DRC8: variants seen among roughly 807,000 people sequenced by gnomAD.
DRC8 encodes the protein dynein regulatory complex subunit 8.
At chr1:245,034,615 AAAAAAAAAAAAAG>A in the DRC8 span, among the ~76,000 whole-genome samples, 1 of 149,684 alleles carries the variant, frequency 6.7e-6, no homozygotes. Context: ...AAAAAAAAAA[AAAAAAAAAAAAAG>A]AAAAGAAAAT....
the DRC8 span, among the ~76,000 whole-genome samples, chr1:245,012,035 G>A: frequency 2.6e-5 from 4 of 152,160 alleles, no homozygotes; most frequent in Non-Finnish European, 5.9e-5. Flanking sequence ...TGAGGAATGA[G>A]TGTTAAACAG....
the DRC8 span, among the ~76,000 whole-genome samples, chr1:245,094,715 G>T: frequency 6.6e-6 from 1 of 152,138 alleles, no homozygotes; most frequent in Non-Finnish European, 1.5e-5. Flanking sequence ...CTCAGGAAGG[G>T]CTCTTTTGGA....
the DRC8 span, among the ~76,000 whole-genome samples, chr1:245,068,063 A>G: frequency 2.0e-5 from 3 of 152,198 alleles, no homozygotes; most frequent in African/African-American, 7.2e-5. Flanking sequence ...AGGAGAATAT[A>G]TTGTAAAAAG....
chr1:245,008,641 A>T, the DRC8 span, among the ~76,000 whole-genome samples: 1 of 151,822 alleles, frequency 6.6e-6, no homozygotes, highest in Non-Finnish European at 1.5e-5. Flanking sequence ...ACCTATCTCA[A>T]AAATGTGATC....
the DRC8 span, among the ~76,000 whole-genome samples, chr1:245,078,817 C>T: frequency 3.3e-5 from 5 of 152,160 alleles, no homozygotes; most frequent in African/African-American, 9.6e-5. Context: ...GTATTCTCAC[C>T]ACACATACAA....
At chr1:244,999,555 G>T in the DRC8 span, among the ~76,000 whole-genome samples, 1 of 152,076 alleles carries the variant, frequency 6.6e-6, no homozygotes. Context: ...GTCAGACATT[G>T]CTGAATACAG....
At chr1:245,083,939 G>A in the DRC8 span, 19 of 385,968 alleles carry the variant, frequency 4.9e-5, no homozygotes, top group African/African-American at 3.1e-4. Flanking sequence ...TATAATTTCA[G>A]GCATTGCATT....
the DRC8 span, among the ~76,000 whole-genome samples, chr1:245,018,356 G>A: frequency 6.6e-6 from 1 of 152,124 alleles, no homozygotes; most frequent in Non-Finnish European, 1.5e-5. Context: ...AGTGGGAAGT[G>A]GTTTGAAAAT....
chr1:244,986,338 G>A, the DRC8 span, among the ~76,000 whole-genome samples: 1 of 152,086 alleles, frequency 6.6e-6, no homozygotes, highest in Admixed American at 6.6e-5. Context: ...ATGGAACTGC[G>A]AATTTACAAG....
chr1:245,059,060 T>G, the DRC8 span, among the ~76,000 whole-genome samples: 2 of 152,212 alleles, frequency 1.3e-5, no homozygotes, highest in African/African-American at 4.8e-5. Flanking sequence ...ATCATCCCCA[T>G]TTTACAGGTG....
chr1:245,119,945 A>T, the DRC8 span, among the ~76,000 whole-genome samples: 26 of 107,590 alleles, frequency 2.4e-4, no homozygotes, highest in Non-Finnish European at 2.9e-4. Context: ...AAAAAAATAA[A>T]AAATAAGTAA....
chr1:245,090,374 C>T, the DRC8 span, among the ~76,000 whole-genome samples: 80 of 152,252 alleles, frequency 5.3e-4, no homozygotes, highest in African/African-American at 1.9e-3. Context: ...AATTTCGCTT[C>T]GATGTGTTCT....
chr1:245,084,059 T>TCCCCCC, the DRC8 span, among the ~76,000 whole-genome samples: 2 of 31,100 alleles, frequency 6.4e-5, no homozygotes, highest in Non-Finnish European at 1.5e-4. Context: ...ATATAAAAAT[T>TCCCCCC]CCGCCCCCCC....
the DRC8 span, among the ~76,000 whole-genome samples, chr1:245,008,221 G>C: frequency 0.024 from 3,586 of 152,166 alleles, 159 homozygotes; most frequent in African/African-American, 0.082. Flanking sequence ...AATAATATTT[G>C]TGTGGCACAC....
At chr1:245,124,965 A>G in the DRC8 span, 1 of 152,144 alleles carries the variant, frequency 6.6e-6, no homozygotes, top group African/African-American at 2.4e-5. Context: ...TTTCTCTGCT[A>G]CAACCCTATG....
At chr1:245,084,493 C>G in the DRC8 span, among the ~76,000 whole-genome samples, 1 of 151,936 alleles carries the variant, frequency 6.6e-6, no homozygotes, top group East Asian at 1.9e-4. Context: ...TGAACATGGC[C>G]CATCATACAT....
the DRC8 span, among the ~76,000 whole-genome samples, chr1:244,976,904 GATGA>G: frequency 7.9e-5 from 12 of 152,238 alleles, no homozygotes; most frequent in African/African-American, 2.9e-4. Flanking sequence ...TCCATCAGCG[GATGA>G]ATGAACAAAC....
chr1:245,074,802 G>A, the DRC8 span, among the ~76,000 whole-genome samples: 1 of 152,074 alleles, frequency 6.6e-6, no homozygotes, highest in Admixed American at 6.5e-5. Flanking sequence ...TTGTGATTTT[G>A]TTCTATTCAA....
At chr1:245,076,765 A>G in the DRC8 span, among the ~76,000 whole-genome samples, 1 of 151,760 alleles carries the variant, frequency 6.6e-6, no homozygotes, top group Non-Finnish European at 1.5e-5. Flanking sequence ...TGGAGACAGA[A>G]TCTTGCTCTG....
Sources: gnomAD v4.1 joint callset for allele counts (sites outside exome capture counted in the v4.1 genomes callset) on GRCh38, gnomAD v4.1.1 for gene constraint, MANE v1.5 for transcripts, NCBI Gene and HGNC (gene_info 2026-07-23, HGNC 2026-07-21) for gene names.